Variants in SMARCAD1 observed in about 807,000 individuals in gnomAD.
SMARCAD1 encodes the protein SWI/SNF-related matrix-associated actin-dependent regulator of chromatin subfamily A containing DEAD/H box 1.
Under a neutral mutation model 127.1 loss-of-function variants are expected in SMARCAD1, and 25 were observed. The observed-to-expected ratio is 0.20, with a 90% confidence interval of 0.14 to 0.27. The LOEUF is 0.27. SMARCAD1 is among the 10% of genes least tolerant of loss of function. The probability of loss-of-function intolerance (pLI) is 1.00; values close to 1 mark genes in which losing one functional copy is unlikely to be tolerated. For synonymous variants in SMARCAD1, 400 were observed against 396.9 expected, an observed-to-expected ratio of 1.01 and a Z score of -0.09; for missense variants, 807 against 1,206.0, an observed-to-expected ratio of 0.67 and a Z score of 4.90.
rs763210841 is a variant in SMARCAD1, at chr4:94,290,924, AGT to A, written c.*1392_*1393del. 26 of 453,882 alleles carry A rather than the reference AGT, an allele frequency of 5.7e-5. No homozygotes were observed. The highest frequency in any genetic ancestry group is 1.1e-4 in the Non-Finnish European group (24 of 226,620). 28.1% of individuals were successfully genotyped at this position (453,882 alleles called of 1,614,324 possible). Reference sequence around the variant, plus strand: ...TTTGGAAGGCAAATAAAACTCTTACAGTGATTATTTAGATATTAAAGACTGAG... The same window carrying A: ...TTTGGAAGGCAAATAAAACTCTTACAGATTATTTAGATATTAAAGACTGAG... On this transcript the variant is annotated 3_prime_UTR_variant, in exon 24 of 24. Transcript: ENST00000354268.
chr4:94,208,193 ATTG>A (rs939419284), intron 1 of SMARCAD1, 123 bp downstream of exon 1: 1 of 710,152 alleles, frequency 1.4e-6, no homozygotes, highest in Non-Finnish European at 2.6e-6. Flanking sequence ...CCACCTTCTA[ATTG>A]TTGCGGCCTA....
At chr4:94,216,876 A>T (rs929991295) in intron 2 of SMARCAD1, among the ~76,000 whole-genome samples, 1 of 152,284 alleles carries the variant, frequency 6.6e-6, no homozygotes, top group East Asian at 1.9e-4. Flanking sequence ...TTTGAATTGT[A>T]TTGCAGTAAA....
At chr4:94,216,601 T>C (rs749487432) in intron 2 of SMARCAD1, among the ~76,000 whole-genome samples, 10 of 152,348 alleles carry the variant, frequency 6.6e-5, no homozygotes, top group Non-Finnish European at 1.0e-4. Context: ...CTTTATGCAT[T>C]GAACAACTAC....
At position 94,208,422 on chromosome 4, in the gene SMARCAD1, C is replaced by T. The variant is rs752567514; in HGVS notation, c.28C>T (p.Arg10Cys). The change falls in exon 2 of 24, where the codon CGC becomes TGC. Residue 10 changes from arginine (R) to cysteine (C), a missense_variant. Coordinates refer to ENST00000354268, the MANE Select transcript of SMARCAD1 (RefSeq NM_020159.5). MNLFNLDRFRFEKRNKIEEA... is the reference protein window; with the variant it reads MNLFNLDRFCFEKRNKIEEA... The stretch of plus-strand genomic sequence containing the variant: ...GAATCTTTTCAACCTGGACCGTTTT[C>T]GCTTTGAGAAAAGGAATAAGATTGA... 1 of 1,613,940 alleles carries T rather than the reference C, an allele frequency of 6.2e-7. No homozygotes were observed. The highest frequency in any genetic ancestry group is 1.3e-5 in the African/African-American group (1 of 74,870).
intron 10 of SMARCAD1, 115 bp from the exon 11 acceptor site, chr4:94,270,613 C>G (rs1463682399): frequency 1.2e-6 from 1 of 808,882 alleles, no homozygotes; most frequent in African/African-American, 1.7e-5. Flanking sequence ...TAGCATCTAA[C>G]AGTTAAAAGG....
chr4:94,226,006 T>G, intron 2 of SMARCAD1, 113 bp from the exon 3 acceptor site: 1 of 939,548 alleles, frequency 1.1e-6, no homozygotes, highest in Non-Finnish European at 1.6e-6. Flanking sequence ...GAATTTTGAT[T>G]TTTAGATTGG....
intron 3 of SMARCAD1, among the ~76,000 whole-genome samples, chr4:94,228,091 C>A (rs1745293373): frequency 6.6e-6 from 1 of 152,166 alleles, no homozygotes; most frequent in Non-Finnish European, 1.5e-5. Context: ...GGACTGTCTA[C>A]TTCTGATAAG....
intron 2 of SMARCAD1, among the ~76,000 whole-genome samples, chr4:94,212,286 T>C (rs1415464970): frequency 6.6e-6 from 1 of 151,938 alleles, no homozygotes; most frequent in Non-Finnish European, 1.5e-5. Context: ...GTGATTCTCA[T>C]ACCTCAGCCT....
At chr4:94,267,367 C>T (rs1379414810) in intron 10 of SMARCAD1, among the ~76,000 whole-genome samples, 1 of 152,156 alleles carries the variant, frequency 6.6e-6, no homozygotes, top group African/African-American at 2.4e-5. Flanking sequence ...GCAGCCATGT[C>T]ATACTTACGG....
At chr4:94,255,536 A>G (rs115449559) in intron 9 of SMARCAD1, among the ~76,000 whole-genome samples, 2 of 151,802 alleles carry the variant, frequency 1.3e-5, no homozygotes, top group South Asian at 4.1e-4. Context: ...GGTAGTAGAC[A>G]TATAAATGTA....
intron 6 of SMARCAD1, among the ~76,000 whole-genome samples, chr4:94,244,334 G>T (rs895366040): frequency 5.9e-5 from 9 of 152,166 alleles, no homozygotes; most frequent in Admixed American, 1.3e-4. Flanking sequence ...CTAAGCCTTT[G>T]GCTGTCAGAC....
In SMARCAD1 at chr4:94,252,629, A is replaced by G. The variant is rs1180865647; in HGVS notation, c.903A>G (p.Val301=). The change falls in exon 9 of 24, where the codon GTA becomes GTG. Residue 301 remains valine (V), a synonymous_variant. Coordinates refer to ENST00000354268, the MANE Select transcript of SMARCAD1 (RefSeq NM_020159.5). ...VFAEDQDMQY[V]SQSEVPNGKE... Reference sequence around the variant, plus strand: ...TTTTATATACAGATATGCAATATGTATCACAAAGTGAGGTTCCAAATGGAA... The same window carrying G: ...TTTTATATACAGATATGCAATATGTGTCACAAAGTGAGGTTCCAAATGGAA... 4.5e-6 allele frequency: 7 copies of G among 1,565,130 alleles called. No individual in the cohort carries two copies. Among genetic ancestry groups the G allele is most frequent in the Middle Eastern group, 1.7e-4 (1 of 5,866 alleles).
At position 94,278,719 on chromosome 4, in the gene SMARCAD1, C is replaced by T; in HGVS notation, c.2282C>T (p.Ser761Phe). Residue 761 changes from serine to phenylalanine, a missense_variant, in exon 18 of 24, where the codon TCT becomes TTT. By Grantham distance (155) the Ser-to-Phe change is radical. Around this residue, in one of 8 missense-constraint regions of SMARCAD1, gnomAD observed 99 missense variants for 126.0 expected, o/e 0.79. Transcript: ENST00000354268. ...GGTCTTTTCAACAGATTGAAAAAAT[C>T]TATCAATAACTTGGGTATAATCTGA... Reference protein sequence around the residue: ...YLGLFNRLKKSINNLEKNTEM... With the variant: ...YLGLFNRLKKFINNLEKNTEM... The T allele has an allele frequency of 6.2e-7, 1 of 1,613,694 alleles. No homozygotes were observed. Among genetic ancestry groups the T allele is most frequent in the Non-Finnish European group, 8.5e-7 (1 of 1,179,726 alleles).
At chr4:94,221,628 TA>T (rs1283578443) in intron 2 of SMARCAD1, among the ~76,000 whole-genome samples, 1 of 152,162 alleles carries the variant, frequency 6.6e-6, no homozygotes, top group Non-Finnish European at 1.5e-5. Context: ...TTGACAAATA[TA>T]AAACAGTGTC....
rs748148546 is a variant in SMARCAD1 at position 94,273,675 on chromosome 4, A to T, written c.1631A>T (p.Asn544Ile). 1.2e-6 allele frequency: 2 copies of T among 1,613,840 alleles called. No homozygotes were observed. The highest frequency in any genetic ancestry group is 1.7e-6 in the Non-Finnish European group (2 of 1,179,922). The change falls in exon 12 of 24, where the codon AAT becomes ATT. Residue 544 changes from asparagine to isoleucine, a missense_variant. Asn to Ile is a moderately radical substitution (Grantham distance 149). Transcript: ENST00000354268. ...AFLAYLYQEG[N>I]NGPHLIVVPA... is the part of the protein sequence containing the mutation. Reference sequence around the variant, plus strand: ...CTGGCATACCTCTATCAGGAGGGTAATAATGGTCCTCATTTGATCGTTGTT... The same window carrying T: ...CTGGCATACCTCTATCAGGAGGGTATTAATGGTCCTCATTTGATCGTTGTT...
intron 5 of SMARCAD1, among the ~76,000 whole-genome samples, chr4:94,239,202 C>T (rs894034236): frequency 1.3e-5 from 2 of 152,072 alleles, no homozygotes; most frequent in Non-Finnish European, 2.9e-5. Context: ...GTTTGTCTAA[C>T]CTTGAAGATA....
At chr4:94,242,388 C>T (rs1331994191) in intron 6 of SMARCAD1, among the ~76,000 whole-genome samples, 1 of 151,990 alleles carries the variant, frequency 6.6e-6, no homozygotes, top group Non-Finnish European at 1.5e-5. Flanking sequence ...CAGCAATGTA[C>T]CTCTTCCCCA....
chr4:94,234,266 A>G, intron 4 of SMARCAD1, 144 bp downstream of exon 4: 1 of 771,452 alleles, frequency 1.3e-6, no homozygotes, highest in South Asian at 1.8e-5. Context: ...AGTAAATGCC[A>G]GACATTTATT....
rs200240216 is a variant in SMARCAD1, at chr4:94,278,604, T to C, written c.2179-12T>C. 376 of 1,613,776 alleles carry C rather than the reference T, an allele frequency of 2.3e-4. 2 individuals are homozygous for C. The African/African-American group carries it at 4.3e-3, about 18-fold the overall frequency. ...CTAGAATGATTATCTTAAACTGTTT[T>C]TTCTGTCTCAGGTTCTCAAGCAGTT... On this transcript the variant is annotated splice_polypyrimidine_tract_variant and intron_variant, in intron 17 of 23. Coordinates refer to ENST00000354268, the MANE Select transcript of SMARCAD1 (RefSeq NM_020159.5).
Sources: gnomAD v4.1 joint callset for allele counts (sites outside exome capture counted in the v4.1 genomes callset) on GRCh38, gnomAD v4.1.1 for gene constraint, gnomAD v4.1.1 regional missense constraint, MANE v1.5 for transcripts, NCBI Gene and HGNC (gene_info 2026-07-23, HGNC 2026-07-21) for gene names.